The following OR3A2 variants were observed in gnomAD, a reference collection of about 807,000 sequenced individuals.
OR3A2 encodes the protein olfactory receptor 3A2.
For missense variants in OR3A2, 318 were observed against 392.8 expected (o/e 0.81, Z 1.61); for synonymous variants, 126 against 159.3 (o/e 0.79, Z 1.57).
At chr17:3,287,689 A>T (rs2048826085), upstream of OR3A2, among the ~76,000 whole-genome samples, 2 of 152,124 alleles carry the variant, frequency 1.3e-5, no homozygotes, top group African/African-American at 4.8e-5. Context: ...CAATTACATT[A>T]TTTATCACGT....
chr17:3,368,231 T>C (rs1240599171), intron 2 of OR3A2, among the ~76,000 whole-genome samples: 2 of 152,222 alleles, frequency 1.3e-5, no homozygotes, highest in Non-Finnish European at 2.9e-5. Context: ...ATAAGCTTTT[T>C]AGTTTAATTA....
intron 3 of OR3A2, among the ~76,000 whole-genome samples, chr17:3,318,570 T>G (rs1270039291): frequency 6.6e-6 from 1 of 152,196 alleles, no homozygotes; most frequent in African/African-American, 2.4e-5. Context: ...TCCACTGTTC[T>G]TCCTACCCAG....
chr17:3,365,845 A>C (rs2049558401), intron 2 of OR3A2, among the ~76,000 whole-genome samples: 1 of 152,214 alleles, frequency 6.6e-6, no homozygotes, highest in Non-Finnish European at 1.5e-5. Context: ...TAGCTTGCTT[A>C]TGCAAAAAGG....
exon 2 of OR3A2, chr17:3,278,091 C>T (rs746919072): frequency 3.7e-6 from 6 of 1,614,184 alleles, no homozygotes; most frequent in Non-Finnish European, 5.1e-6. Context: ...AACTCCAACC[C>T]CTTTATCCTT....
At chr17:3,347,571 A>G (rs1343590615) in intron 2 of OR3A2, among the ~76,000 whole-genome samples, 1 of 152,214 alleles carries the variant, frequency 6.6e-6, no homozygotes, top group Non-Finnish European at 1.5e-5. Flanking sequence ...AAAGGACATG[A>G]ACTCATCATT....
intron 2 of OR3A2, among the ~76,000 whole-genome samples, chr17:3,348,621 G>A (rs1375769087): frequency 6.6e-6 from 1 of 152,110 alleles, no homozygotes; most frequent in African/African-American, 2.4e-5. Flanking sequence ...ATATTATCCA[G>A]GAGAACTTCC....
intron 2 of OR3A2, among the ~76,000 whole-genome samples, chr17:3,373,854 C>T (rs571567639): frequency 2.0e-5 from 3 of 152,030 alleles, no homozygotes; most frequent in Non-Finnish European, 2.9e-5. Context: ...TCCCTGAATT[C>T]CTTGGGTTTC....
At position 3,292,658 on chromosome 17, in the gene OR3A2, C is replaced by A. The variant is rs7214042; in HGVS notation, c.-84-13505G>T. The A allele has an allele frequency of 4.3e-3, 5,698 of 1,325,756 alleles. 122 individuals carry two copies. The African/African-American group carries it at 0.062, about 15-fold the overall frequency. 82.1% of individuals were successfully genotyped at this position (1,325,756 alleles called of 1,614,324 possible). ...AATTTATTTACTCAAGAAAAAGAAA[C>A]AGACCCCCTTCTACTTGCCCGGCCC... On this transcript the variant is annotated intron_variant, in intron 3 of 4. Coordinates refer to the OR3A2 transcript ENST00000573491.
chr17:3,357,613 A>C (rs1021375218), intron 2 of OR3A2, among the ~76,000 whole-genome samples: 3 of 151,630 alleles, frequency 2.0e-5, no homozygotes, highest in African/African-American at 4.9e-5. Context: ...GGGGAGGATG[A>C]AAAAGAGGTC....
At chr17:3,353,765 T>C (rs1264665097) in intron 2 of OR3A2, among the ~76,000 whole-genome samples, 1 of 151,834 alleles carries the variant, frequency 6.6e-6, no homozygotes, top group African/African-American at 2.4e-5. Flanking sequence ...AATAAGCACA[T>C]CATGGAAAAT....
chr17:3,353,364 A>AACT (rs2049436766), intron 2 of OR3A2, among the ~76,000 whole-genome samples: 1 of 151,778 alleles, frequency 6.6e-6, no homozygotes, highest in East Asian at 1.9e-4. Flanking sequence ...TCTCTTGTCT[A>AACT]ACTGTTCTAG....
At chr17:3,277,830 G>T (rs1475888590) in exon 2 of OR3A2, 7 of 880,226 alleles carry the variant, frequency 8.0e-6, no homozygotes, top group Non-Finnish European at 1.2e-5. Flanking sequence ...GGGTTTCCTA[G>T]TAGGACAAAT....
chr17:3,356,359 T>C (rs1357757558), intron 2 of OR3A2, among the ~76,000 whole-genome samples: 1 of 151,480 alleles, frequency 6.6e-6, no homozygotes, highest in Non-Finnish European at 1.5e-5. Flanking sequence ...CCTTGCTCAT[T>C]AACATCCTTT....
intron 2 of OR3A2, among the ~76,000 whole-genome samples, chr17:3,349,570 C>A (rs1941399653): frequency 6.6e-6 from 1 of 152,130 alleles, no homozygotes; most frequent in Non-Finnish European, 1.5e-5. Context: ...TAGACTCCCA[C>A]ACATTAATAA....
At chr17:3,333,095 C>T (rs2049252411) in intron 3 of OR3A2, among the ~76,000 whole-genome samples, 1 of 152,132 alleles carries the variant, frequency 6.6e-6, no homozygotes, top group African/African-American at 2.4e-5. Context: ...TTGCTAAATT[C>T]TTCTCCTAGC....
At chr17:3,316,642 C>A (rs188586127) in intron 3 of OR3A2, among the ~76,000 whole-genome samples, 286 of 152,258 alleles carry the variant, frequency 1.9e-3, no homozygotes, top group Non-Finnish European at 3.3e-3. Flanking sequence ...CAACCAGGAC[C>A]AGGATTAGAA....
chr17:3,335,072 G>A (rs921749009), intron 3 of OR3A2, among the ~76,000 whole-genome samples: 1 of 152,112 alleles, frequency 6.6e-6, no homozygotes, highest in African/African-American at 2.4e-5. Flanking sequence ...TTCTGCTTAT[G>A]AGTGAAGCCA....
At chr17:3,282,549 C>G (rs568396017) in intron 1 of OR3A2, among the ~76,000 whole-genome samples, 1 of 152,192 alleles carries the variant, frequency 6.6e-6, no homozygotes, top group African/African-American at 2.4e-5. Context: ...GAGGTCTCCA[C>G]TGTGTGTGCT....
intron 1 of OR3A2, among the ~76,000 whole-genome samples, chr17:3,281,608 T>G (rs1288828044): frequency 6.6e-6 from 1 of 151,782 alleles, no homozygotes; most frequent in Non-Finnish European, 1.5e-5. Flanking sequence ...TTCCAACGAC[T>G]AGCTCTTTCT....
Sources: gnomAD v4.1 joint callset for allele counts (sites outside exome capture counted in the v4.1 genomes callset) on GRCh38, gnomAD v4.1.1 for gene constraint, MANE v1.5 for transcripts, NCBI Gene and HGNC (gene_info 2026-07-23, HGNC 2026-07-21) for gene names.